The following UBR2 variants were observed in gnomAD, a reference collection of about 807,000 sequenced individuals.
UBR2 encodes E3 ubiquitin-protein ligase UBR2.
A neutral mutation model predicts 247.9 loss-of-function variants in UBR2; 92 were observed. The observed-to-expected ratio is 0.37, with a 90% CI of 0.31 to 0.44. The LOEUF (loss-of-function observed/expected upper bound fraction) is 0.44, where lower values mean the gene tolerates loss of function less well. UBR2 is among the 20% of genes least tolerant of loss of function. The pLI is 1.00. For synonymous variants in UBR2, 672 were observed against 693.5 expected (o/e 0.97, Z 0.49); for missense variants, 1,613 against 2,112.6 (o/e 0.76, Z 4.64).
intron 11 of UBR2, among the ~76,000 whole-genome samples, chr6:42,623,000 A>G (rs1795096440): frequency 6.6e-6 from 1 of 152,086 alleles, no homozygotes; most frequent in Non-Finnish European, 1.5e-5. Flanking sequence ...TTCTGTGTAC[A>G]TAATCATATC....
chr6:42,663,394 C>T lies in UBR2; in HGVS notation c.3673C>T (p.Leu1225Phe). ...CLSNTVIPLLLPPRNIFNNRL... is the reference protein window; with the variant it reads ...CLSNTVIPLLFPPRNIFNNRL... Reference sequence around the variant, plus strand: ...GAGTAATACTGTTATTCCTCTGCTGCTTCCTCCAAGAAATATTTTTAACAA... The same window carrying T: ...GAGTAATACTGTTATTCCTCTGCTGTTTCCTCCAAGAAATATTTTTAACAA... The change falls in exon 32 of 47, where the codon CTT (leucine) becomes TTT (phenylalanine). Residue 1225 changes from leucine to phenylalanine, a missense_variant. Leu to Phe is a conservative substitution (Grantham distance 22, BLOSUM62 0). Around this residue, in one of 3 missense-constraint regions of UBR2, gnomAD observed 1,524 missense variants for 1,967.3 expected, o/e 0.77. Coordinates refer to ENST00000372901, the MANE Select transcript of UBR2 (RefSeq NM_001363705.2). 3.1e-6 allele frequency: 5 copies of T among 1,609,038 alleles called. No homozygotes were observed. Among genetic ancestry groups the T allele is most frequent in the Non-Finnish European group, 4.2e-6 (5 of 1,178,232 alleles).
At chr6:42,645,118 T>C (rs889696703) in intron 20 of UBR2, among the ~76,000 whole-genome samples, 4 of 152,052 alleles carry the variant, frequency 2.6e-5, no homozygotes, top group Non-Finnish European at 2.9e-5. Flanking sequence ...TGCCACTAGA[T>C]AGTAGGGGAA....
chr6:42,590,499 T>C (rs1483124202), intron 2 of UBR2, among the ~76,000 whole-genome samples: 1 of 152,068 alleles, frequency 6.6e-6, no homozygotes, highest in Non-Finnish European at 1.5e-5. Flanking sequence ...TCATTGAAAG[T>C]GGGAAGAGAA....
intron 1 of UBR2, among the ~76,000 whole-genome samples, chr6:42,571,687 G>A (rs1481349616): frequency 6.8e-6 from 1 of 146,540 alleles, no homozygotes; most frequent in African/African-American, 2.5e-5. Context: ...AGGTTGCAGT[G>A]AGCCGAGATC....
intron 44 of UBR2, among the ~76,000 whole-genome samples, chr6:42,686,248 C>G (rs551133177): frequency 6.6e-6 from 1 of 151,938 alleles, no homozygotes; most frequent in African/African-American, 2.4e-5. Context: ...GTTTGTGTCC[C>G]TGGGTACTTG....
chr6:42,649,078 G>T (rs1348829542), intron 22 of UBR2, among the ~76,000 whole-genome samples: 3 of 152,078 alleles, frequency 2.0e-5, no homozygotes, highest in African/African-American at 7.2e-5. Flanking sequence ...CACGGTCTTG[G>T]CTCACTGCAA....
chr6:42,575,036 T>G (rs1369146093), intron 2 of UBR2, among the ~76,000 whole-genome samples: 1 of 151,802 alleles, frequency 6.6e-6, no homozygotes, highest in Non-Finnish European at 1.5e-5. Flanking sequence ...GGCCAAGATA[T>G]ATGGCAATTT....
rs369397245 is a variant in UBR2, at chr6:42,678,684, C to G, written c.4609+15C>G. On this transcript the variant is annotated intron_variant, in intron 41 of 46. Coordinates refer to ENST00000372901, the MANE Select transcript of UBR2 (RefSeq NM_001363705.2). ...CGACATTCAAGGTAATTTATACTTT[C>G]TTTCAAAACGTAGGGAGAGTTAGTA... 1.7e-5 allele frequency: 27 copies of G among 1,603,632 alleles called. No individual in the cohort carries two copies. The highest frequency in any genetic ancestry group is 2.2e-5 in the Non-Finnish European group (26 of 1,176,786).
chr6:42,568,744 AAAAAT>A (rs1175956163), intron 1 of UBR2, among the ~76,000 whole-genome samples: 3 of 152,112 alleles, frequency 2.0e-5, no homozygotes, highest in Non-Finnish European at 4.4e-5. Flanking sequence ...AAAAAATAAT[AAAAAT>A]AAAATATTTA....
At chr6:42,573,606 A>G in intron 1 of UBR2, 128 bp from the exon 2 acceptor site, 2 of 1,041,554 alleles carry the variant, frequency 1.9e-6, no homozygotes, top group Non-Finnish European at 2.6e-6. Flanking sequence ...TACGGTGGTG[A>G]GTGTTGTAAA....
chr6:42,643,063 C>T (rs182358849), intron 18 of UBR2, among the ~76,000 whole-genome samples: 19 of 152,226 alleles, frequency 1.2e-4, no homozygotes, highest in African/African-American at 4.6e-4. Context: ...GAAGCCTTCC[C>T]TGACACACTA....
chr6:42,620,903 C>T (rs1234286551), intron 11 of UBR2, among the ~76,000 whole-genome samples: 1 of 152,152 alleles, frequency 6.6e-6, no homozygotes, highest in Non-Finnish European at 1.5e-5. Flanking sequence ...CTCCCGGGTT[C>T]AAGCGATTCT....
At position 42,637,050 on chromosome 6, in the gene UBR2, G is replaced by A. The variant is rs768207875; in HGVS notation, c.1714G>A (p.Val572Ile). ...LIEAYKKCLA[V>I]LMQCHGGYTD... ...CGAAGCTTACAAGAAATGTCTCGCT[G>A]TACTGATGCAGTGTCATGGTGGTTA... is the stretch of plus-strand genomic sequence containing the variant. Residue 572 changes from valine (V) to isoleucine (I), a missense_variant, in exon 15 of 47, where the codon GTA (valine) becomes ATA (isoleucine). This residue lies in a region of UBR2 where 1,524 missense variants were observed against 1,967.3 expected (regional missense o/e 0.77). Transcript: ENST00000372901. The A allele has an allele frequency of 3.7e-6, 6 of 1,613,822 alleles. No homozygotes were observed. Among genetic ancestry groups the A allele is most frequent in the Middle Eastern group, 3.3e-4 (2 of 6,060 alleles).
intron 16 of UBR2, 113 bp downstream of exon 16, chr6:42,640,383 GGTGTGTGTGTGTGTGTGTGTGTGT>G (rs61668810): frequency 4.0e-5 from 7 of 174,374 alleles, no homozygotes; most frequent in South Asian, 1.2e-4. Flanking sequence ...GAACCAGTAA[GGTGTGTGTGTGTGTGTGTGTGTGT>G]GTGTGTGTGT....
At chr6:42,658,940 A>G (rs992283022) in intron 29 of UBR2, 116 bp downstream of exon 29, 5 of 1,197,804 alleles carry the variant, frequency 4.2e-6, no homozygotes, top group Non-Finnish European at 4.4e-6. Flanking sequence ...AGTAGAATTC[A>G]TAGGTAAATT....
At position 42,665,700 on chromosome 6, in the gene UBR2, A is replaced by G. The variant is rs62414653; in HGVS notation, c.3802+188A>G. Among the ~76,000 whole-genome samples, 351 of 152,194 alleles carry G rather than the reference A, an allele frequency of 2.3e-3. 1 individual carries two copies. Among genetic ancestry groups the G allele is most frequent in the Admixed American group, 5.4e-3 (82 of 15,282 alleles). On this transcript the variant is annotated intron_variant, in intron 33 of 46. Coordinates refer to ENST00000372901, the MANE Select transcript of UBR2 (RefSeq NM_001363705.2). ...CCTTATTCCTTAAACACACAAGCTCATGTGAAGTTTCTAATAAACACTTCT... is the reference window on the plus strand; with the variant it reads ...CCTTATTCCTTAAACACACAAGCTCGTGTGAAGTTTCTAATAAACACTTCT...
intron 11 of UBR2, among the ~76,000 whole-genome samples, chr6:42,629,947 G>A (rs934745549): frequency 3.3e-5 from 5 of 151,938 alleles, no homozygotes; most frequent in Admixed American, 6.6e-5. Flanking sequence ...TTGTTTTTAC[G>A]AGTCAAGGCC....
chr6:42,663,116 A>C, intron 31 of UBR2, 142 bp from the exon 32 acceptor site: 6 of 694,732 alleles, frequency 8.6e-6, no homozygotes, highest in Non-Finnish European at 1.2e-5. Context: ...AATCACTCAA[A>C]AATCATGTTA....
chr6:42,588,184 G>A (rs1047469204), intron 2 of UBR2, among the ~76,000 whole-genome samples: 1 of 152,196 alleles, frequency 6.6e-6, no homozygotes, highest in African/African-American at 2.4e-5. Context: ...CTTTGGGTTG[G>A]ATTAAGTTGC....
Sources: allele counts gnomAD v4.1 joint callset (sites outside exome capture counted in the v4.1 genomes callset), GRCh38; gene constraint gnomAD v4.1.1; regional missense constraint gnomAD v4.1.1; transcripts MANE v1.5; gene names NCBI Gene and HGNC (gene_info 2026-07-23, HGNC 2026-07-21).